The following ZNF607 variants were observed in gnomAD, a reference collection of about 807,000 sequenced individuals.
ZNF607 encodes the protein zinc finger protein 607.
ZNF607 carries 5 observed loss-of-function variants against 12.8 expected under a neutral mutation model. The observed-to-expected ratio is 0.39, with a 90% CI of 0.20 to 0.82. ZNF607 has a LOEUF of 0.82. ZNF607 is among the 40% of genes least tolerant of loss of function. ZNF607 has a pLI of 0.39. For missense variants in ZNF607, 851 were observed against 859.2 expected (o/e 0.99, Z 0.12); for synonymous variants, 287 against 276.2 (o/e 1.04, Z -0.39).
At position 37,699,241 on chromosome 19, in the gene ZNF607, A is replaced by C; in HGVS notation, c.890T>G (p.Val297Gly). ...TCCAGTATGAATTCTTTTATGACCC[A>C]CAAGGTGGGAAAACTGACGAAAGGC... ...GKAFRQFSHL[V>G]GHKRIHTGEK... is the part of the protein sequence containing the mutation. Residue 297 changes from valine (V) to glycine (G), a missense_variant, in exon 5 of 5, where the codon GTG becomes GGG. Transcript: ENST00000355202. The C allele has an allele frequency of 6.2e-7, 1 of 1,613,966 alleles. No homozygotes were observed. Among genetic ancestry groups the C allele is most frequent in the Non-Finnish European group, 8.5e-7 (1 of 1,179,968 alleles).
At chr19:37,712,302 G>T (rs2045139853) in intron 1 of ZNF607, among the ~76,000 whole-genome samples, 2 of 152,120 alleles carry the variant, frequency 1.3e-5, no homozygotes. Flanking sequence ...ATTTATTTTT[G>T]TAAAATATAT....
chr19:37,699,756 A>G lies in ZNF607; in HGVS notation c.375T>C (p.His125=). Residue 125 remains histidine (H), a synonymous_variant, in exon 5 of 5, where the codon CAT becomes CAC. Coordinates refer to ENST00000355202, the MANE Select transcript of ZNF607 (RefSeq NM_032689.5). ...TTTGATGTACCATGAGTTCTGTAAG[A>G]TGACTAAAGGACTTCTGACATTGCT... ...ECKQCQKSFS[H]LTELMVHQTI... 6.2e-7 allele frequency: 1 copy of G among 1,614,092 alleles called. No individual in the cohort carries two copies. The highest frequency in any genetic ancestry group is 8.5e-7 in the Non-Finnish European group (1 of 1,180,000).
rs904474393 is a variant in ZNF607 at position 37,707,944 on chromosome 19, C to T, written c.205G>A (p.Val69Met). 1 of 1,614,002 alleles carries T rather than the reference C, an allele frequency of 6.2e-7. No individual in the cohort carries two copies. Among genetic ancestry groups the T allele is most frequent in the African/African-American group, 1.3e-5 (1 of 75,032 alleles). Residue 69 changes from valine (V) to methionine (M), a missense_variant, in exon 4 of 5, where the codon GTG becomes ATG. Coordinates refer to ENST00000355202, the MANE Select transcript of ZNF607 (RefSeq NM_032689.5). Reference sequence around the variant, plus strand: ...CACTCTCCTCTTGTTTCTTCCCTCACAATCATCCATGGCTCTTTTCCTTGC... The same window carrying T: ...CACTCTCCTCTTGTTTCTTCCCTCATAATCATCCATGGCTCTTTTCCTTGC... ...LEQGKEPWMI[V>M]REETRGECTD... is the part of the protein sequence containing the mutation.
chr19:37,698,081 G>C lies in ZNF607; in HGVS notation c.2050C>G (p.Leu684Val). ...TGATGTACTTCAAGGATGGATCTAA[G>C]CCTAAAGGACCTTCTGCATTTGTTA... Reference protein sequence around the residue: ...KCNKCRRSFRLRSILEVHQRI... With the variant: ...KCNKCRRSFRVRSILEVHQRI... Residue 684 changes from leucine (L) to valine (V), a missense_variant, in exon 5 of 5, where the codon CTT becomes GTT. Transcript: ENST00000355202. 1 of 1,612,096 alleles carries C rather than the reference G, an allele frequency of 6.2e-7. No individual in the cohort carries two copies. The highest frequency in any genetic ancestry group is 8.5e-7 in the Non-Finnish European group (1 of 1,179,494).
In ZNF607 at chr19:37,699,704, G is replaced by T; in HGVS notation, c.427C>A (p.Gln143Lys). The T allele has an allele frequency of 6.2e-7, 1 of 1,613,992 alleles. No individual in the cohort carries two copies. Among genetic ancestry groups the T allele is most frequent in the South Asian group, 1.1e-5 (1 of 91,050 alleles). Reference protein sequence around the residue: ...QTIHTSEEPDQCEKFRKAFSH... With the variant: ...QTIHTSEEPDKCEKFRKAFSH... Reference sequence around the variant, plus strand: ...AATGCCTTCCTAAACTTTTCACATTGATCAGGTTCCTCACTAGTATGAATT... The same window carrying T: ...AATGCCTTCCTAAACTTTTCACATTTATCAGGTTCCTCACTAGTATGAATT... The change falls in exon 5 of 5, where the codon CAA becomes AAA. Residue 143 changes from glutamine (Q) to lysine (K), a missense_variant. Gln to Lys is a moderately conservative substitution (Grantham distance 53). Coordinates refer to ENST00000355202, the MANE Select transcript of ZNF607 (RefSeq NM_032689.5).
In ZNF607 at chr19:37,696,582, C is replaced by A. The variant is rs1369498817; in HGVS notation, c.*1458G>T. The A allele has an allele frequency of 3.7e-6, 2 of 539,194 alleles. No homozygotes were observed. Among genetic ancestry groups the A allele is most frequent in the African/African-American group, 1.9e-5 (1 of 52,018 alleles). 33.4% of individuals were successfully genotyped at this position (539,194 alleles called of 1,614,324 possible). On this transcript the variant is annotated 3_prime_UTR_variant, in exon 5 of 5. Coordinates refer to ENST00000355202, the MANE Select transcript of ZNF607 (RefSeq NM_032689.5). The stretch of plus-strand genomic sequence containing the variant: ...TGTTACGAATCATCGGGGCTGTGGC[C>A]CAGTTGCCTCACGGAGGTGCAGGTA...
rs112362114 is a variant in ZNF607, at chr19:37,701,638, T to G, written c.236-1743A>C. On this transcript the variant is annotated intron_variant, in intron 4 of 4. Coordinates refer to ENST00000355202, the MANE Select transcript of ZNF607 (RefSeq NM_032689.5). Reference sequence around the variant, plus strand: ...CCATCGGTGAAAGCGCACACTTCTATACAAGTACCTTACCTTGCTGAAAAT... The same window carrying G: ...CCATCGGTGAAAGCGCACACTTCTAGACAAGTACCTTACCTTGCTGAAAAT... 4.5e-3 allele frequency among the ~76,000 whole-genome samples: 692 copies of G among 152,336 alleles called. 4 individuals carry two copies. Among genetic ancestry groups the G allele is most frequent in the African/African-American group, 0.016 (669 of 41,582 alleles).
intron 1 of ZNF607, among the ~76,000 whole-genome samples, chr19:37,715,914 CTT>C (rs148777452): frequency 0.014 from 2,074 of 152,274 alleles, 40 homozygotes; most frequent in African/African-American, 0.046. Context: ...TCTGCAGTAA[CTT>C]TGCATTTCTA....
intron 1 of ZNF607, among the ~76,000 whole-genome samples, chr19:37,718,601 A>G (rs767260480): frequency 5.3e-5 from 8 of 152,196 alleles, no homozygotes; most frequent in Non-Finnish European, 1.0e-4. Flanking sequence ...AATTTTAGTC[A>G]GGCTACTACA....
In ZNF607 at chr19:37,696,604, G is replaced by C; in HGVS notation, c.*1436C>G. 1 of 579,058 alleles carries C rather than the reference G, an allele frequency of 1.7e-6. No homozygotes were observed. Among genetic ancestry groups the C allele is most frequent in the Non-Finnish European group, 3.2e-6 (1 of 315,018 alleles). 35.9% of individuals were successfully genotyped at this position (579,058 alleles called of 1,614,324 possible). A position where few individuals can be genotyped will look rare whatever the true frequency, so the allele number is the denominator to read the frequency against. ...GGCCCAGTTGCCTCACGGAGGTGCA[G>C]GTAGGCTGGGGCCTCACTAGGGCAG... On this transcript the variant is annotated 3_prime_UTR_variant, in exon 5 of 5. Transcript: ENST00000355202.
At chr19:37,706,845 A>T (rs1220350927) in intron 4 of ZNF607, among the ~76,000 whole-genome samples, 2 of 151,786 alleles carry the variant, frequency 1.3e-5, no homozygotes, top group Non-Finnish European at 2.9e-5. Flanking sequence ...CAGTGCCACC[A>T]CACCTAGCTA....
intron 3 of ZNF607, 76 bp from the exon 4 acceptor site, chr19:37,708,088 A>C: frequency 2.6e-6 from 3 of 1,174,396 alleles, no homozygotes; most frequent in Non-Finnish European, 3.7e-6. Flanking sequence ...ATTGCAATAA[A>C]TGAAAGGTCA....
At chr19:37,713,896 G>A (rs186452249) in intron 1 of ZNF607, among the ~76,000 whole-genome samples, 8 of 152,242 alleles carry the variant, frequency 5.3e-5, no homozygotes, top group East Asian at 1.9e-4. Flanking sequence ...GCACAATAGG[G>A]AGTAGGTTAA....
In ZNF607 at chr19:37,698,248, C is replaced by A; in HGVS notation, c.1883G>T (p.Cys628Phe). The A allele has an allele frequency of 6.2e-7, 1 of 1,614,154 alleles. No homozygotes were observed. The highest frequency in any genetic ancestry group is 8.5e-7 in the Non-Finnish European group (1 of 1,180,018). Residue 628 changes from cysteine (C) to phenylalanine (F), a missense_variant, in exon 5 of 5, where the codon TGT becomes TTT. Physicochemically the swap from Cys to Phe is radical, Grantham distance 205 (BLOSUM62 -2). Transcript: ENST00000355202. The stretch of plus-strand genomic sequence containing the variant: ...TTCATGTCTAACAAGATATGAGGCA[C>A]AGTGAAATGCCTTCCCACATCTTTT... The part of the protein sequence containing the change: ...ECKRCGKAFH[C>F]ASYLVRHESV...
Position 37,699,880 on chromosome 19 carries a change from C to T in ZNF607, c.251G>A (p.Cys84Tyr). Reference sequence around the variant, plus strand: ...CATTTTCCCATCGCTGATTATTTCACATCTTGAATCCAAATCTAGAAGACA... The same window carrying T: ...CATTTTCCCATCGCTGATTATTTCATATCTTGAATCCAAATCTAGAAGACA... ...RGECTDLDSRCEIISDGKMQL... is the reference protein window; with the variant it reads ...RGECTDLDSRYEIISDGKMQL... Residue 84 changes from cysteine (C) to tyrosine (Y), a missense_variant, in exon 5 of 5, where the codon TGT (cysteine) becomes TAT (tyrosine). Coordinates refer to ENST00000355202, the MANE Select transcript of ZNF607 (RefSeq NM_032689.5). 3 of 1,587,418 alleles carry T rather than the reference C, an allele frequency of 1.9e-6. No individual in the cohort carries two copies. Among genetic ancestry groups the T allele is most frequent in the Admixed American group, 3.7e-5 (2 of 54,360 alleles).
At chr19:37,717,662 C>T (rs2045188505) in intron 1 of ZNF607, among the ~76,000 whole-genome samples, 2 of 148,636 alleles carry the variant, frequency 1.3e-5, no homozygotes, top group Non-Finnish European at 3.0e-5. Context: ...AAAAAATAGC[C>T]AGGCATGGTG....
At chr19:37,705,830 C>T (rs1032314463) in intron 4 of ZNF607, among the ~76,000 whole-genome samples, 6 of 152,074 alleles carry the variant, frequency 3.9e-5, no homozygotes, top group Non-Finnish European at 7.4e-5. Context: ...TCTCCCCCAC[C>T]CCTGCTCCCT....
chr19:37,702,874 C>G (rs1177977117), intron 4 of ZNF607, among the ~76,000 whole-genome samples: 1 of 151,980 alleles, frequency 6.6e-6, no homozygotes, highest in African/African-American at 2.4e-5. Context: ...ACTATAATAC[C>G]TATAACACTA....
chr19:37,717,216 C>A (rs1048199596), intron 1 of ZNF607, among the ~76,000 whole-genome samples: 1 of 152,104 alleles, frequency 6.6e-6, no homozygotes, highest in Non-Finnish European at 1.5e-5. Flanking sequence ...GACGGAGTCT[C>A]GCGCTGTCGC....
Sources: gnomAD v4.1 joint callset for allele counts (sites outside exome capture counted in the v4.1 genomes callset) on GRCh38, gnomAD v4.1.1 for gene constraint, MANE v1.5 for transcripts, NCBI Gene and HGNC (gene_info 2026-07-23, HGNC 2026-07-21) for gene names.